RBAK: variants seen among roughly 807,000 people sequenced by gnomAD.
RBAK encodes the protein RB associated KRAB zinc finger, also known as RB-associated KRAB zinc finger protein.
RBAK carries 39 observed loss-of-function variants against 65.8 expected under a neutral mutation model. That is an observed-to-expected ratio of 0.59 (90% CI 0.46 to 0.77). The LOEUF (loss-of-function observed/expected upper bound fraction) is 0.77. Ranked by LOEUF, RBAK falls within the 30% of genes least tolerant of loss-of-function variation. The pLI is 0.00. For synonymous variants in RBAK, 343 were observed against 289.7 expected, an observed-to-expected ratio of 1.18 and a Z score of -1.87; for missense variants, 884 against 855.1, an observed-to-expected ratio of 1.03 and a Z score of -0.42.
rs1330002681 is a variant in RBAK, at chr7:5,067,888, A to C, written c.*2287A>C. 1 of 152,238 alleles carries C rather than the reference A, an allele frequency of 6.6e-6. No homozygotes were observed. Among genetic ancestry groups the C allele is most frequent in the Non-Finnish European group, 1.5e-5 (1 of 68,042 alleles). 9.4% of individuals were successfully genotyped at this position (152,238 alleles called of 1,614,324 possible). A position where few individuals can be genotyped will look rare whatever the true frequency, so the allele number is the denominator to read the frequency against. ...AATAAAATTTTGTAATTTGATAAAAAGTTATTTGGAGGTGGATTGCAGATC... is the reference window on the plus strand; with the variant it reads ...AATAAAATTTTGTAATTTGATAAAACGTTATTTGGAGGTGGATTGCAGATC... On this transcript the variant is annotated 3_prime_UTR_variant, in exon 5 of 5. Coordinates refer to ENST00000396912, the MANE Select transcript of RBAK (RefSeq NM_021163.4).
At chr7:5,058,138 G>A (rs544215800) in intron 4 of RBAK, among the ~76,000 whole-genome samples, 1 of 152,228 alleles carries the variant, frequency 6.6e-6, no homozygotes. Context: ...GCAGTGGTAT[G>A]ATCTCAGCTC....
intron 4 of RBAK, among the ~76,000 whole-genome samples, chr7:5,059,598 C>T (rs1779019403): frequency 6.6e-6 from 1 of 151,996 alleles, no homozygotes; most frequent in Non-Finnish European, 1.5e-5. Context: ...GAGCAATAAA[C>T]TTTAGAACTT....
rs549872846 is a variant in RBAK, at chr7:5,057,915, A to G, written c.238+136A>G. The G allele has an allele frequency of 7.1e-5, 59 of 835,520 alleles. No homozygotes were observed. In the East Asian group the frequency reaches 1.4e-3, roughly 19 times the overall value. The allele number at this position is 835,520 out of a possible 1,614,324, so 51.8% of individuals were successfully genotyped here. On this transcript the variant is annotated intron_variant, in intron 4 of 4. Transcript: ENST00000396912. ...AAATATCACTTTCCTTCCCGCACAC[A>G]TACATGAACTCTTTTGTTGATTTTA...
intron 4 of RBAK, among the ~76,000 whole-genome samples, chr7:5,058,975 T>G (rs1049283579): frequency 5.9e-5 from 9 of 152,228 alleles, no homozygotes; most frequent in African/African-American, 2.2e-4. Flanking sequence ...ACATAGCAGT[T>G]ACCAGGGAGA....
At chr7:5,056,824 T>G (rs976176209) in intron 2 of RBAK, among the ~76,000 whole-genome samples, 10 of 151,828 alleles carry the variant, frequency 6.6e-5, no homozygotes, top group African/African-American at 2.4e-4. Context: ...AGGAGCTGAG[T>G]GGTGGGCACT....
intron 4 of RBAK, among the ~76,000 whole-genome samples, chr7:5,062,640 G>T (rs1779105060): frequency 6.6e-6 from 1 of 152,136 alleles, no homozygotes; most frequent in South Asian, 2.1e-4. Flanking sequence ...AATTTATTAG[G>T]CAGTAATTTC....
rs2115023906 is a variant in RBAK, at chr7:5,048,442, G to A, written c.15+351G>A. Reference sequence around the variant, plus strand: ...TCCTGCCTCAGCCTCCCAAAGTGCTGGGATTACAGGCATGAGCCACCGCGC... The same window carrying A: ...TCCTGCCTCAGCCTCCCAAAGTGCTAGGATTACAGGCATGAGCCACCGCGC... On this transcript the variant is annotated intron_variant, in intron 2 of 4. Transcript: ENST00000396912. The surrounding 1 kb of genome is among the most constrained non-coding windows in gnomAD (Gnocchi z 4.4). Among the ~76,000 whole-genome samples, 1 of 152,296 alleles carries A rather than the reference G, an allele frequency of 6.6e-6. No homozygotes were observed. Among genetic ancestry groups the A allele is most frequent in the Non-Finnish European group, 1.5e-5 (1 of 68,028 alleles).
intron 4 of RBAK, among the ~76,000 whole-genome samples, chr7:5,060,860 A>G (rs75917357): frequency 0.06 from 9,137 of 152,302 alleles, 560 homozygotes; most frequent in Admixed American, 0.2. Context: ...GCAGAGTACC[A>G]TCAGGGTTGC....
At chr7:5,058,436 T>C (rs2115037587) in intron 4 of RBAK, among the ~76,000 whole-genome samples, 1 of 152,332 alleles carries the variant, frequency 6.6e-6, no homozygotes, top group Non-Finnish European at 1.5e-5. Flanking sequence ...GACTTTTATG[T>C]TCATTCCTTT....
intron 2 of RBAK, among the ~76,000 whole-genome samples, chr7:5,051,814 G>T (rs1788123377): frequency 6.6e-6 from 1 of 152,174 alleles, no homozygotes; most frequent in South Asian, 2.1e-4. Flanking sequence ...GCTCAGAATA[G>T]GATCTGTCTT....
At position 5,064,653 on chromosome 7, in the gene RBAK, G is replaced by A. The variant is rs1489168058; in HGVS notation, c.1197G>A (p.Lys399=). Reference sequence around the variant, plus strand: ...ATCAGAGAACTCACACGGGAGAGAAGCTTTATAAATGTAATGAATGTGGGA... The same window carrying A: ...ATCAGAGAACTCACACGGGAGAGAAACTTTATAAATGTAATGAATGTGGGA... ...SDHQRTHTGE[K]LYKCNECGKS... The change falls in exon 5 of 5, where the codon AAG becomes AAA. Residue 399 remains lysine (K), a synonymous_variant. Coordinates refer to ENST00000396912, the MANE Select transcript of RBAK (RefSeq NM_021163.4). This position sits in a 1 kb window ranked among gnomAD's most constrained non-coding sequence, Gnocchi z 6.3. The A allele has an allele frequency of 8.7e-6, 14 of 1,611,862 alleles. No individual in the cohort carries two copies. Among genetic ancestry groups the A allele is most frequent in the Admixed American group, 1.7e-5 (1 of 59,914 alleles).
At chr7:5,046,602 G>A (rs968220570) in intron 1 of RBAK, among the ~76,000 whole-genome samples, 2 of 152,178 alleles carry the variant, frequency 1.3e-5, no homozygotes, top group Admixed American at 6.5e-5. Context: ...CCTGGAGGGT[G>A]TCACCAGCCT....
At position 5,067,330 on chromosome 7, in the gene RBAK, G is replaced by A. The variant is rs1232708987; in HGVS notation, c.*1729G>A. 2 of 152,062 alleles carry A rather than the reference G, an allele frequency of 1.3e-5. No homozygotes were observed. The allele number at this position is 152,062 out of a possible 1,614,324, so 9.4% of individuals were successfully genotyped here. A position where few individuals can be genotyped will look rare whatever the true frequency, so the allele number is the denominator to read the frequency against. On this transcript the variant is annotated 3_prime_UTR_variant, in exon 5 of 5. Transcript: ENST00000396912. ...GGTAAGTTCCCTGCATAAAAGTTAT[G>A]CAAAAAGCATTTTATGATATACCAG...
rs954085787 is a variant in RBAK at position 5,066,069 on chromosome 7, G to C, written c.*468G>C. On this transcript the variant is annotated 3_prime_UTR_variant, in exon 5 of 5. Transcript: ENST00000396912. ...TGAAGTTTTTAAATTGTCAGGAGTTGATCATGAGGACAGTAGCATTAAATA... is the reference window on the plus strand; with the variant it reads ...TGAAGTTTTTAAATTGTCAGGAGTTCATCATGAGGACAGTAGCATTAAATA... 6.5e-6 allele frequency: 1 copy of C among 152,748 alleles called. No homozygotes were observed. Among genetic ancestry groups the C allele is most frequent in the African/African-American group, 2.4e-5 (1 of 41,446 alleles). The allele number at this position is 152,748 out of a possible 1,614,324, so 9.5% of individuals were successfully genotyped here. A position where few individuals can be genotyped will look rare whatever the true frequency, so the allele number is the denominator to read the frequency against.
chr7:5,055,628 C>T (rs565032759), intron 2 of RBAK, among the ~76,000 whole-genome samples: 1 of 152,082 alleles, frequency 6.6e-6, no homozygotes, highest in Admixed American at 6.5e-5. Flanking sequence ...TGTTTTTAAT[C>T]TGGTACTGGA....
intron 2 of RBAK, among the ~76,000 whole-genome samples, chr7:5,052,345 T>C (rs1398025602): frequency 6.6e-6 from 1 of 152,222 alleles, no homozygotes; most frequent in Non-Finnish European, 1.5e-5. Context: ...ACTGTTTACA[T>C]GTAATGTAAT....
rs1232605986 is a variant in RBAK, at chr7:5,064,155, T to C, written c.699T>C (p.Tyr233=). The C allele has an allele frequency of 6.2e-7, 1 of 1,614,000 alleles. No individual in the cohort carries two copies. Among genetic ancestry groups the C allele is most frequent in the East Asian group, 2.2e-5 (1 of 44,882 alleles). The part of the protein sequence containing the change: ...HKRAYIGEKP[Y]EWNDSGPDFI... ...GAGCTTACATAGGGGAGAAGCCCTA[T>C]GAGTGGAATGATTCTGGACCAGACT... The change falls in exon 5 of 5, where the codon TAT becomes TAC. Residue 233 remains tyrosine (Y), a synonymous_variant. Transcript: ENST00000396912. This position sits in a 1 kb window ranked among gnomAD's most constrained non-coding sequence, Gnocchi z 6.3.
intron 2 of RBAK, among the ~76,000 whole-genome samples, chr7:5,054,532 C>T (rs1788183269): frequency 6.6e-6 from 1 of 151,962 alleles, no homozygotes; most frequent in Non-Finnish European, 1.5e-5. Flanking sequence ...TATCCAGTAC[C>T]TGTTAGTTTA....
chr7:5,054,642 A>C (rs1788186343), intron 2 of RBAK, among the ~76,000 whole-genome samples: 1 of 151,798 alleles, frequency 6.6e-6, no homozygotes. Context: ...CTATGTTGCC[A>C]AGGCTGGTCT....
Sources: allele counts gnomAD v4.1 joint callset (sites outside exome capture counted in the v4.1 genomes callset), GRCh38; gene constraint gnomAD v4.1.1; non-coding constraint Gnocchi (gnomAD v3.1); transcripts MANE v1.5; gene names NCBI Gene and HGNC (gene_info 2026-07-23, HGNC 2026-07-21).